PLPPR1: variants seen among roughly 807,000 people sequenced by gnomAD.
PLPPR1 encodes phospholipid phosphatase-related protein type 1.
PLPPR1 carries 10 observed loss-of-function variants against 33.1 expected under a neutral mutation model. The observed-to-expected ratio is 0.30, with a 90% CI of 0.19 to 0.51. The LOEUF (loss-of-function observed/expected upper bound fraction) is 0.51. Ranked by LOEUF, PLPPR1 falls within the 20% of genes least tolerant of loss-of-function variation. The pLI, the probability that PLPPR1 is intolerant of heterozygous loss-of-function variation, is 0.97. For synonymous variants in PLPPR1, 151 were observed against 151.0 expected (o/e 1.00, Z 0.00); for missense variants, 304 against 408.1 (o/e 0.74, Z 2.20).
At chr9:101,203,489 G>A (rs1826528136) in intron 2 of PLPPR1, among the ~76,000 whole-genome samples, 1 of 151,918 alleles carries the variant, frequency 6.6e-6, no homozygotes, top group Admixed American at 6.6e-5. Context: ...GAAGCTTCTA[G>A]ACTTCATTTT....
chr9:101,264,084 G>A (rs964256865), intron 2 of PLPPR1, among the ~76,000 whole-genome samples: 1 of 152,082 alleles, frequency 6.6e-6, no homozygotes, highest in Non-Finnish European at 1.5e-5. Flanking sequence ...TTCCAGTTCT[G>A]TGAATGCTAC....
intron 1 of PLPPR1, among the ~76,000 whole-genome samples, chr9:101,076,899 C>T (rs930023254): frequency 6.6e-6 from 1 of 152,182 alleles, no homozygotes; most frequent in African/African-American, 2.4e-5. Context: ...CTCACATTTG[C>T]CATTTCCTCG....
intron 4 of PLPPR1, among the ~76,000 whole-genome samples, chr9:101,308,822 C>T (rs1159162845): frequency 1.3e-5 from 2 of 152,138 alleles, no homozygotes; most frequent in Non-Finnish European, 2.9e-5. Flanking sequence ...AAGTATTTTG[C>T]ACGTAGATTA....
At chr9:101,207,664 T>C (rs959878849) in intron 2 of PLPPR1, among the ~76,000 whole-genome samples, 2 of 152,174 alleles carry the variant, frequency 1.3e-5, no homozygotes, top group South Asian at 4.1e-4. Context: ...CCATCACTAA[T>C]GGACTGTATT....
chr9:101,322,971 A>G (rs560156893), intron 7 of PLPPR1, among the ~76,000 whole-genome samples: 1 of 152,302 alleles, frequency 6.6e-6, no homozygotes, highest in East Asian at 1.9e-4. Flanking sequence ...CAAAAAAGTT[A>G]AACTAAAAAC....
At chr9:101,159,372 T>A (rs1033404995) in intron 1 of PLPPR1, among the ~76,000 whole-genome samples, 2 of 152,218 alleles carry the variant, frequency 1.3e-5, no homozygotes, top group African/African-American at 2.4e-5. Flanking sequence ...CTTCTGAATT[T>A]TTTTCTTTGA....
intron 2 of PLPPR1, among the ~76,000 whole-genome samples, chr9:101,267,396 T>C (rs989961105): frequency 2.6e-5 from 4 of 152,160 alleles, no homozygotes; most frequent in Admixed American, 6.5e-5. Context: ...AACCAATTAC[T>C]TCAAACAGCA....
intron 2 of PLPPR1, among the ~76,000 whole-genome samples, chr9:101,186,457 C>G (rs1826206025): frequency 6.6e-6 from 1 of 151,840 alleles, no homozygotes; most frequent in African/African-American, 2.4e-5. Context: ...GTAGCATATT[C>G]TTTCTTACGG....
intron 1 of PLPPR1, among the ~76,000 whole-genome samples, chr9:101,158,370 T>G (rs1185521867): frequency 6.6e-6 from 1 of 151,494 alleles, no homozygotes; most frequent in Non-Finnish European, 1.5e-5. Flanking sequence ...GAGGAGAGAG[T>G]GAGATGGAAG....
chr9:101,116,541 G>A (rs190011845), intron 1 of PLPPR1, among the ~76,000 whole-genome samples: 14 of 152,086 alleles, frequency 9.2e-5, no homozygotes, highest in African/African-American at 2.9e-4. Context: ...ACGGCTTGGC[G>A]CAGTGGCTCA....
At chr9:101,079,551 G>T (rs1362965555) in intron 1 of PLPPR1, among the ~76,000 whole-genome samples, 7 of 150,172 alleles carry the variant, frequency 4.7e-5, no homozygotes, top group African/African-American at 1.5e-4. Context: ...CATCTTGAAG[G>T]TATTGCTCTA....
chr9:101,265,955 C>G (rs2118887950), intron 2 of PLPPR1, among the ~76,000 whole-genome samples: 2 of 151,728 alleles, frequency 1.3e-5, no homozygotes, highest in Admixed American at 1.3e-4. Flanking sequence ...GAGATTGTGC[C>G]ATTGCACACC....
At chr9:101,285,965 C>G in intron 3 of PLPPR1, 139 bp from the exon 4 acceptor site, 1 of 605,574 alleles carries the variant, frequency 1.7e-6, no homozygotes, top group Admixed American at 2.7e-5. Context: ...ATGCAAATTA[C>G]GATCTAATTC....
At chr9:101,193,495 A>G (rs12347855) in intron 2 of PLPPR1, among the ~76,000 whole-genome samples, 19,286 of 152,194 alleles carry the variant, frequency 0.13, 1,488 homozygotes, top group East Asian at 0.31. Context: ...TTGAATGAGA[A>G]GGGATAAGGT....
At chr9:101,263,269 T>C (rs1827932833) in intron 2 of PLPPR1, among the ~76,000 whole-genome samples, 1 of 152,260 alleles carries the variant, frequency 6.6e-6, no homozygotes, top group South Asian at 2.1e-4. Flanking sequence ...GTCTGGTCAC[T>C]ATACCAGAAG....
In PLPPR1 at chr9:101,286,184, C is replaced by G; in HGVS notation, c.333C>G (p.Thr111=). 1 of 1,613,498 alleles carries G rather than the reference C, an allele frequency of 6.2e-7. No homozygotes were observed. Among genetic ancestry groups the G allele is most frequent in the Non-Finnish European group, 8.5e-7 (1 of 1,179,538 alleles). The change falls in exon 4 of 8, where the codon ACC becomes ACG. Residue 111 remains threonine, a synonymous_variant. Coordinates refer to ENST00000374874, the MANE Select transcript of PLPPR1 (RefSeq NM_207299.2). ...SLIAQEKTIL[T]GECCYLNPLL... is the part of the protein sequence containing the mutation. ...TTGCTCAGGAGAAAACAATTCTGAC[C>G]GGAGAATGCTGTTACCTGAACCCCT...
intron 1 of PLPPR1, among the ~76,000 whole-genome samples, chr9:101,147,093 A>G (rs1004676331): frequency 1.3e-5 from 2 of 152,128 alleles, no homozygotes; most frequent in Non-Finnish European, 2.9e-5. Flanking sequence ...CTTCCCTACA[A>G]AAGAGGTCCT....
At chr9:101,064,090 T>C (rs111430837) in intron 1 of PLPPR1, among the ~76,000 whole-genome samples, 1 of 152,116 alleles carries the variant, frequency 6.6e-6, no homozygotes, top group African/African-American at 2.4e-5. Flanking sequence ...GATCTATGAT[T>C]CTATAGACAG....
intron 1 of PLPPR1, among the ~76,000 whole-genome samples, chr9:101,111,872 G>T (rs1341149263): frequency 6.6e-6 from 1 of 152,090 alleles, no homozygotes; most frequent in African/African-American, 2.4e-5. Flanking sequence ...ATTTAGAAAG[G>T]CATATAAATA....
Sources: gnomAD v4.1 joint callset for allele counts (sites outside exome capture counted in the v4.1 genomes callset) on GRCh38, gnomAD v4.1.1 for gene constraint, MANE v1.5 for transcripts, NCBI Gene and HGNC (gene_info 2026-07-23, HGNC 2026-07-21) for gene names.